The following TRMT1L variants were observed in gnomAD, a reference collection of about 807,000 sequenced individuals.
TRMT1L encodes the protein tRNA (guanine(27)-N(2))-dimethyltransferase.
In TRMT1L, 28 loss-of-function variants were observed where a neutral mutation model predicts 81.6. The observed-to-expected ratio is 0.34, with a 90% confidence interval of 0.25 to 0.47. TRMT1L has a LOEUF of 0.47. TRMT1L is among the 20% of genes least tolerant of loss of function. The probability of loss-of-function intolerance (pLI) is 1.00; values close to 1 mark genes in which losing one functional copy is unlikely to be tolerated. For synonymous variants in TRMT1L, 301 were observed against 303.2 expected, an observed-to-expected ratio of 0.99 and a Z score of 0.07; for missense variants, 739 against 877.1, an observed-to-expected ratio of 0.84 and a Z score of 1.99.
chr1:185,137,343 T>C (rs1652924874), intron 10 of TRMT1L: 1 of 506,188 alleles, frequency 2.0e-6, no homozygotes. Context: ...CTAAAATTAG[T>C]TGAGAGTGGA....
intron 11 of TRMT1L, among the ~76,000 whole-genome samples, chr1:185,125,725 A>C (rs913541862): frequency 3.3e-5 from 5 of 152,256 alleles, no homozygotes; most frequent in South Asian, 2.1e-4. Flanking sequence ...GAACTCTCAT[A>C]AGGTATACAG....
At chr1:185,144,684 T>A (rs1001532661) in intron 5 of TRMT1L, among the ~76,000 whole-genome samples, 2 of 152,020 alleles carry the variant, frequency 1.3e-5, no homozygotes, top group Non-Finnish European at 2.9e-5. Context: ...AGAAATGAGA[T>A]CCTTTATGTT....
intron 3 of TRMT1L, among the ~76,000 whole-genome samples, chr1:185,148,523 C>A (rs1653248199): frequency 6.6e-6 from 1 of 152,190 alleles, no homozygotes; most frequent in African/African-American, 2.4e-5. Flanking sequence ...ACTATCATAT[C>A]TTCACCATCT....
chr1:185,128,610 CA>C (rs1652693350), intron 11 of TRMT1L, 58 bp downstream of exon 11: 2 of 1,471,770 alleles, frequency 1.4e-6, no homozygotes, highest in Non-Finnish European at 1.9e-6. Context: ...TAAAAATCAG[CA>C]ATTAATAAAT....
chr1:185,148,350 C>T (rs1490453295), intron 3 of TRMT1L, among the ~76,000 whole-genome samples: 2 of 152,156 alleles, frequency 1.3e-5, no homozygotes, highest in Non-Finnish European at 2.9e-5. Context: ...CACTGTTCTC[C>T]AGCTCAGTAA....
intron 10 of TRMT1L, among the ~76,000 whole-genome samples, chr1:185,133,692 G>A (rs572193600): frequency 1.1e-4 from 16 of 151,538 alleles, no homozygotes; most frequent in African/African-American, 3.9e-4. Context: ...TGAACTACTG[G>A]GTTCAAGTGA....
At chr1:185,147,493 G>A (rs770464095) in intron 3 of TRMT1L, among the ~76,000 whole-genome samples, 9 of 151,966 alleles carry the variant, frequency 5.9e-5, no homozygotes, top group Non-Finnish European at 1.2e-4. Context: ...TTCTAGTTCC[G>A]CCATGACTAT....
intron 9 of TRMT1L, among the ~76,000 whole-genome samples, chr1:185,138,880 G>C (rs1322730983): frequency 6.6e-6 from 1 of 152,158 alleles, no homozygotes; most frequent in South Asian, 2.1e-4. Context: ...TGTGGCTCCT[G>C]GGTTCAAGTG....
chr1:185,138,272 G>A (rs187936492), intron 9 of TRMT1L, among the ~76,000 whole-genome samples: 47 of 152,186 alleles, frequency 3.1e-4, no homozygotes, highest in Non-Finnish European at 6.2e-4. Context: ...TTTGGATTAA[G>A]CTCTACTATA....
chr1:185,123,416 C>G (rs994577687), intron 13 of TRMT1L, among the ~76,000 whole-genome samples: 1 of 152,070 alleles, frequency 6.6e-6, no homozygotes, highest in Non-Finnish European at 1.5e-5. Context: ...AAAGTATGCA[C>G]ATATCCTAAA....
intron 11 of TRMT1L, among the ~76,000 whole-genome samples, chr1:185,126,114 A>G (rs1032890145): frequency 6.6e-6 from 1 of 152,162 alleles, no homozygotes; most frequent in Non-Finnish European, 1.5e-5. Context: ...CTTTTTATTA[A>G]GAGACAGGGT....
chr1:185,145,427 T>C lies in TRMT1L; in HGVS notation c.655+12A>G, dbSNP rs1170560843. On this transcript the variant is annotated intron_variant, in intron 5 of 14. Coordinates refer to ENST00000367506, the MANE Select transcript of TRMT1L (RefSeq NM_030934.5). ...TTACATATTAATATGTTAATGAGAT[T>C]GCTCAACTTACCTGCAATATAACTA... The C allele has an allele frequency of 1.2e-6, 2 of 1,606,004 alleles. No homozygotes were observed. Among genetic ancestry groups the C allele is most frequent in the Admixed American group, 1.7e-5 (1 of 59,844 alleles).
Position 185,119,912 on chromosome 1 carries a change from T to C in TRMT1L, c.*107A>G, listed in dbSNP as rs1652455451. ...TTTCTGAATGAAAATGACACTGTTTTTTATTTTTACTCTACTGAATTGAAA... is the reference window on the plus strand; with the variant it reads ...TTTCTGAATGAAAATGACACTGTTTCTTATTTTTACTCTACTGAATTGAAA... On this transcript the variant is annotated 3_prime_UTR_variant, in exon 15 of 15. Coordinates refer to ENST00000367506, the MANE Select transcript of TRMT1L (RefSeq NM_030934.5). The C allele has an allele frequency of 7.0e-6, 9 of 1,283,092 alleles. No homozygotes were observed. The Admixed American group carries it at 2.2e-4, about 31-fold the overall frequency. The allele number at this position is 1,283,092 out of a possible 1,614,324, so 79.5% of individuals were successfully genotyped here.
chr1:185,152,342 T>G (rs578210121), intron 1 of TRMT1L, among the ~76,000 whole-genome samples: 1 of 152,200 alleles, frequency 6.6e-6, no homozygotes, highest in Non-Finnish European at 1.5e-5. Flanking sequence ...ACTGGCCTCA[T>G]GAACTGAAGT....
chr1:185,121,082 T>C (rs1652489577), intron 13 of TRMT1L, among the ~76,000 whole-genome samples: 1 of 152,196 alleles, frequency 6.6e-6, no homozygotes, highest in African/African-American at 2.4e-5. Flanking sequence ...TCATTGCCTA[T>C]TTCTCATCAC....
At chr1:185,151,973 T>G (rs1213499188) in intron 1 of TRMT1L, 38 bp from the exon 2 acceptor site, 1 of 1,321,216 alleles carries the variant, frequency 7.6e-7, no homozygotes, top group Non-Finnish European at 1.1e-6. Flanking sequence ...CTTTAACAGT[T>G]TGTATTCTAG....
chr1:185,131,768 A>G (rs1263201533), intron 10 of TRMT1L, among the ~76,000 whole-genome samples: 14 of 152,324 alleles, frequency 9.2e-5, no homozygotes, highest in Admixed American at 9.2e-4. Context: ...TTAATCTAGA[A>G]GACCCAAAAT....
In TRMT1L at chr1:185,145,428, G is replaced by A. The variant is rs767549216; in HGVS notation, c.655+11C>T. On this transcript the variant is annotated intron_variant, in intron 5 of 14. Coordinates refer to ENST00000367506, the MANE Select transcript of TRMT1L (RefSeq NM_030934.5). ...TACATATTAATATGTTAATGAGATT[G>A]CTCAACTTACCTGCAATATAACTAG... is the stretch of plus-strand genomic sequence containing the variant. The A allele has an allele frequency of 6.2e-7, 1 of 1,605,180 alleles. No individual in the cohort carries two copies. Among genetic ancestry groups the A allele is most frequent in the Non-Finnish European group, 8.5e-7 (1 of 1,174,074 alleles).
upstream of TRMT1L, chr1:185,156,967 A>C: frequency 7.5e-6 from 4 of 533,068 alleles, no homozygotes; most frequent in Non-Finnish European, 1.3e-5. Context: ...GCCACCACAA[A>C]CTGCGCAGAA....
Sources: gnomAD v4.1 joint callset for allele counts (sites outside exome capture counted in the v4.1 genomes callset) on GRCh38, gnomAD v4.1.1 for gene constraint, MANE v1.5 for transcripts, NCBI Gene and HGNC (gene_info 2026-07-23, HGNC 2026-07-21) for gene names.